The following RNGTT variants were observed in gnomAD, a reference collection of about 807,000 sequenced individuals.
RNGTT encodes RNA guanylyltransferase and 5'-phosphatase, also known as mRNA-capping enzyme.
Under a neutral mutation model 79.3 loss-of-function variants are expected in RNGTT, and 33 were observed. That is an observed-to-expected ratio of 0.42 (90% CI 0.32 to 0.56). RNGTT has a LOEUF of 0.56. Among genes scored for constraint, RNGTT ranks in the 20% least tolerant of loss-of-function variants. The pLI is 0.17. For missense variants in RNGTT, 497 were observed against 739.1 expected (o/e 0.67, Z 3.80); for synonymous variants, 222 against 235.9 (o/e 0.94, Z 0.54).
Position 88,738,621 on chromosome 6 carries a change from G to T in RNGTT, c.1439+31153C>A, listed in dbSNP as rs140708817. Among the ~76,000 whole-genome samples the T allele has an allele frequency of 5.5e-3, 835 of 152,194 alleles. 8 individuals carry two copies. Among genetic ancestry groups the T allele is most frequent in the African/African-American group, 0.018 (729 of 41,534 alleles). On this transcript the variant is annotated intron_variant, in intron 13 of 15. Coordinates refer to ENST00000369485, the MANE Select transcript of RNGTT (RefSeq NM_003800.5). Reference sequence around the variant, plus strand: ...AGATGGCACCACTGTACTCCAGCCTGGGTGACAGAGTGAGACCCCGTCTCA... The same window carrying T: ...AGATGGCACCACTGTACTCCAGCCTTGGTGACAGAGTGAGACCCCGTCTCA...
intron 14 of RNGTT, 69 bp from the exon 15 acceptor site, chr6:88,614,464 AG>A: frequency 1.4e-6 from 2 of 1,435,616 alleles, no homozygotes; most frequent in Non-Finnish European, 1.9e-6. Context: ...ACTATGTGAC[AG>A]GCACATTAGG....
At chr6:88,811,532 T>C (rs1273400922) in intron 11 of RNGTT, among the ~76,000 whole-genome samples, 1 of 152,082 alleles carries the variant, frequency 6.6e-6, no homozygotes, top group African/African-American at 2.4e-5. Context: ...CAGAGAAACA[T>C]AATGCAAAAG....
In RNGTT at chr6:88,963,550, G is replaced by T. The variant is rs1785723919; in HGVS notation, c.-141C>A. On this transcript the variant is annotated 5_prime_UTR_variant, in exon 1 of 16. Coordinates refer to ENST00000369485, the MANE Select transcript of RNGTT (RefSeq NM_003800.5). ...CTGAATTCCAACCTCTCCGATCCGG[G>T]TAACGTCAGGGGCGGCGCGCCACTT... is the stretch of plus-strand genomic sequence containing the variant. The T allele has an allele frequency of 1.4e-6, 1 of 734,352 alleles. No homozygotes were observed. Among genetic ancestry groups the T allele is most frequent in the Non-Finnish European group, 2.1e-6 (1 of 483,642 alleles). 45.5% of individuals were successfully genotyped at this position (734,352 alleles called of 1,614,324 possible).
chr6:88,625,787 A>G (rs1772607890), intron 14 of RNGTT, among the ~76,000 whole-genome samples: 1 of 152,006 alleles, frequency 6.6e-6, no homozygotes, highest in Non-Finnish European at 1.5e-5. Flanking sequence ...GTCAGTTAAA[A>G]AAAAAGTAAT....
chr6:88,927,081 A>G (rs953837826), intron 4 of RNGTT, among the ~76,000 whole-genome samples: 3 of 152,250 alleles, frequency 2.0e-5, no homozygotes, highest in Non-Finnish European at 2.9e-5. Flanking sequence ...TTTGATGAAA[A>G]AAAGTTTTAA....
At chr6:88,769,502 T>C (rs545010963) in intron 13 of RNGTT, among the ~76,000 whole-genome samples, 7 of 151,950 alleles carry the variant, frequency 4.6e-5, no homozygotes, top group Non-Finnish European at 8.8e-5. Context: ...TATATTGTTG[T>C]TATTAATATA....
chr6:88,620,728 A>G (rs868663260), intron 14 of RNGTT, among the ~76,000 whole-genome samples: 17 of 152,192 alleles, frequency 1.1e-4, no homozygotes, highest in Non-Finnish European at 4.4e-5. Context: ...AGCTACAGCA[A>G]ATTCACAAGA....
chr6:88,893,045 T>G (rs112903146), intron 6 of RNGTT, among the ~76,000 whole-genome samples: 2 of 152,062 alleles, frequency 1.3e-5, no homozygotes, highest in African/African-American at 4.8e-5. Context: ...CCCTCTACTA[T>G]TATACCATTA....
intron 1 of RNGTT, among the ~76,000 whole-genome samples, chr6:88,954,712 A>G (rs1785369631): frequency 6.6e-6 from 1 of 151,784 alleles, no homozygotes; most frequent in African/African-American, 2.4e-5. Flanking sequence ...CAGTGGAATA[A>G]AACTGAAAAT....
chr6:88,796,722 T>TA (rs979949890), intron 12 of RNGTT, among the ~76,000 whole-genome samples: 41 of 152,238 alleles, frequency 2.7e-4, no homozygotes, highest in African/African-American at 9.6e-4. Context: ...AAGACAAGTA[T>TA]AAAGACAGCC....
intron 13 of RNGTT, among the ~76,000 whole-genome samples, chr6:88,700,567 T>C (rs1775912844): frequency 6.6e-6 from 1 of 152,256 alleles, no homozygotes; most frequent in South Asian, 2.1e-4. Flanking sequence ...GAAAGGTTAT[T>C]ATGAAGTTGA....
At chr6:88,662,821 A>C (rs1333272486) in intron 14 of RNGTT, among the ~76,000 whole-genome samples, 1 of 152,170 alleles carries the variant, frequency 6.6e-6, no homozygotes, top group Non-Finnish European at 1.5e-5. Context: ...GAACACCGGG[A>C]AGGAATCGGC....
At chr6:88,771,743 T>C (rs2127844040) in intron 12 of RNGTT, among the ~76,000 whole-genome samples, 1 of 152,292 alleles carries the variant, frequency 6.6e-6, no homozygotes, top group African/African-American at 2.4e-5. Flanking sequence ...GTATTCAGTA[T>C]AGAGATCTTG....
At chr6:88,756,946 T>TA (rs1327891466) in intron 13 of RNGTT, among the ~76,000 whole-genome samples, 1 of 152,234 alleles carries the variant, frequency 6.6e-6, no homozygotes, top group Admixed American at 6.5e-5. Context: ...ACTAAAACCC[T>TA]AAAAAAATTA....
chr6:88,853,265 T>C (rs1356546776), intron 9 of RNGTT, among the ~76,000 whole-genome samples: 3 of 152,284 alleles, frequency 2.0e-5, no homozygotes, highest in East Asian at 1.9e-4. Flanking sequence ...CCCAGCACTC[T>C]GGGAGGCTGA....
intron 4 of RNGTT, among the ~76,000 whole-genome samples, chr6:88,918,933 T>C (rs572559634): frequency 6.6e-6 from 1 of 152,342 alleles, no homozygotes; most frequent in South Asian, 2.1e-4. Flanking sequence ...TAATAATAAT[T>C]GCCAATTAGC....
chr6:88,630,873 T>C (rs551556452), intron 14 of RNGTT, among the ~76,000 whole-genome samples: 2 of 152,220 alleles, frequency 1.3e-5, no homozygotes, highest in Non-Finnish European at 1.5e-5. Context: ...ATGTTAATAA[T>C]GCCAGGAAAT....
chr6:88,633,626 A>G lies in RNGTT; in HGVS notation c.1507-19231T>C, dbSNP rs189234022. On this transcript the variant is annotated intron_variant, in intron 14 of 15. Transcript: ENST00000369485. ...CTGGCACAGTAAGTGCTCAACTAAA[A>G]TGTTTTTTTTTAACATTTAAAAAAT... 2.9e-4 allele frequency among the ~76,000 whole-genome samples: 44 copies of G among 152,190 alleles called. No individual in the cohort carries two copies. The East Asian group carries it at 4.4e-3, about 15-fold the overall frequency.
chr6:88,743,803 A>G, intron 13 of RNGTT, among the ~76,000 whole-genome samples: 1 of 152,190 alleles, frequency 6.6e-6, no homozygotes, highest in East Asian at 1.9e-4. Flanking sequence ...TTGAAACCTC[A>G]TTTTCAGAAG....
Sources: gnomAD v4.1 joint callset for allele counts (sites outside exome capture counted in the v4.1 genomes callset) on GRCh38, gnomAD v4.1.1 for gene constraint, MANE v1.5 for transcripts, NCBI Gene and HGNC (gene_info 2026-07-23, HGNC 2026-07-21) for gene names.